FAAH2: variants seen among roughly 807,000 people sequenced by gnomAD.
FAAH2 encodes fatty-acid amide hydrolase 2.
Under a neutral mutation model 36.9 loss-of-function variants are expected in FAAH2, and 60 were observed. The observed-to-expected ratio is 1.63, with a 90% CI of 1.32 to 2.02. The LOEUF (loss-of-function observed/expected upper bound fraction) is 2.02. Ranked by LOEUF, FAAH2 falls within the 30% of genes most tolerant of loss-of-function variation. FAAH2 has a pLI of 0.00. For synonymous variants in FAAH2, 214 were observed against 143.8 expected, an observed-to-expected ratio of 1.49 and a Z score of -3.49; for missense variants, 689 against 397.5, an observed-to-expected ratio of 1.73 and a Z score of -6.23.
chrX:57,142,662 A>T, the FAAH2 span, among the ~76,000 whole-genome samples: 5 of 111,064 alleles, frequency 4.5e-5, no homozygotes, highest in South Asian at 1.5e-3. Flanking sequence ...TTCTTTGTTA[A>T]TTTTTTTGTC....
intron 4 of FAAH2, among the ~76,000 whole-genome samples, chrX:57,336,053 G>A (rs372339687): frequency 9.0e-6 from 1 of 111,339 alleles, no homozygotes; most frequent in Admixed American, 9.5e-5. Context: ...TCAGGCCTCC[G>A]AGCCCAAGCT....
chrX:57,301,227 G>A (rs1242386729), intron 2 of FAAH2, among the ~76,000 whole-genome samples: 1 of 110,049 alleles, frequency 9.1e-6, no homozygotes, highest in African/African-American at 3.3e-5. Context: ...GTCCAAAAAT[G>A]ATAGACTGGA....
At position 57,352,042 on chromosome X, in the gene FAAH2, ATATATGTG is replaced by A. The variant is rs1361616187; in HGVS notation, c.742+10658_742+10665del. ...TGTGTATATATATATATATACATAT[ATATATGTG>A]TATATATATATATATACACATATAT... On this transcript the variant is annotated intron_variant, in intron 5 of 10. Coordinates refer to ENST00000374900, the MANE Select transcript of FAAH2 (RefSeq NM_174912.4). Among the ~76,000 whole-genome samples the A allele has an allele frequency of 2.2e-3, 34 of 15,209 alleles. 5 individuals are homozygous for A. The highest frequency in any genetic ancestry group is 0.033 in the East Asian group (2 of 60). The allele number at this position is 15,209 out of a possible 115,157, so 13.2% of individuals were successfully genotyped here.
In FAAH2 at chrX:57,487,945, A is replaced by G. The variant is rs759642176; in HGVS notation, c.1424-812A>G. ...AAATTTGGTATATTTATTCAATGGAATAGTCTTTGTCCATAAAAGAACCAT... is the reference window on the plus strand; with the variant it reads ...AAATTTGGTATATTTATTCAATGGAGTAGTCTTTGTCCATAAAAGAACCAT... On this transcript the variant is annotated intron_variant, in intron 10 of 10. Coordinates refer to ENST00000374900, the MANE Select transcript of FAAH2 (RefSeq NM_174912.4). Among the ~76,000 whole-genome samples, 7 of 112,184 alleles carry G rather than the reference A, an allele frequency of 6.2e-5. No homozygotes were observed. The East Asian group carries it at 1.1e-3, about 18-fold the overall frequency.
intron 3 of FAAH2, among the ~76,000 whole-genome samples, chrX:57,324,776 T>C (rs1336604622): frequency 8.9e-6 from 1 of 112,333 alleles, no homozygotes; most frequent in Non-Finnish European, 1.9e-5. Context: ...TACAATCATG[T>C]GATCTGCAAA....
chrX:57,132,204 G>A, the FAAH2 span, among the ~76,000 whole-genome samples: 3 of 112,058 alleles, frequency 2.7e-5, no homozygotes, highest in Non-Finnish European at 3.8e-5. Context: ...TTTCACTAAC[G>A]GTTTTAAATC....
the FAAH2 span, among the ~76,000 whole-genome samples, chrX:57,263,716 T>A: frequency 8.9e-5 from 10 of 111,894 alleles, no homozygotes; most frequent in Non-Finnish European, 1.9e-4. Flanking sequence ...TATACAATTG[T>A]ATCTGTCTAT....
the FAAH2 span, among the ~76,000 whole-genome samples, chrX:57,240,650 G>A: frequency 8.9e-6 from 1 of 112,468 alleles, no homozygotes; most frequent in Non-Finnish European, 1.9e-5. Flanking sequence ...CAGCAGCATG[G>A]CAGTGTTCAC....
At chrX:57,134,083 T>C in the FAAH2 span, among the ~76,000 whole-genome samples, 1,154 of 110,944 alleles carry the variant, frequency 0.01, 15 homozygotes, top group African/African-American at 0.037. Flanking sequence ...AGATGGGCTA[T>C]AGGAGAAAGA....
chrX:57,463,200 GAAGA>G (rs777849744), intron 10 of FAAH2, among the ~76,000 whole-genome samples: 1 of 111,528 alleles, frequency 9.0e-6, no homozygotes, highest in South Asian at 3.7e-4. Context: ...TGATGGATAG[GAAGA>G]ATCAATATCA....
At chrX:57,463,863 G>A (rs1421554301) in intron 10 of FAAH2, among the ~76,000 whole-genome samples, 1 of 111,594 alleles carries the variant, frequency 9.0e-6, no homozygotes, top group Non-Finnish European at 1.9e-5. Flanking sequence ...CAAGGATCTA[G>A]AACAAGAAAT....
chrX:57,206,367 G>T, the FAAH2 span, among the ~76,000 whole-genome samples: 1 of 112,119 alleles, frequency 8.9e-6, no homozygotes, highest in African/African-American at 3.2e-5. Context: ...CCCTAAGTAG[G>T]AGTAAGGAGT....
chrX:57,480,014 G>T (rs1043696255), intron 10 of FAAH2, among the ~76,000 whole-genome samples: 29 of 111,896 alleles, frequency 2.6e-4, no homozygotes, highest in Non-Finnish European at 4.3e-4. Context: ...AAATCTAGAA[G>T]AAATGGATAA....
intron 4 of FAAH2, among the ~76,000 whole-genome samples, chrX:57,340,386 A>G (rs772110270): frequency 6.3e-5 from 7 of 111,906 alleles, no homozygotes; most frequent in Non-Finnish European, 1.1e-4. Context: ...CAGGAAGAAT[A>G]CTTTGCATTT....
At chrX:57,151,164 C>T in the FAAH2 span, among the ~76,000 whole-genome samples, 1 of 112,194 alleles carries the variant, frequency 8.9e-6, no homozygotes, top group Admixed American at 9.4e-5. Flanking sequence ...TTGTGGGTAA[C>T]CCGACTTTTC....
intron 10 of FAAH2, among the ~76,000 whole-genome samples, chrX:57,459,662 C>A (rs2056923297): frequency 8.9e-6 from 1 of 112,380 alleles, no homozygotes; most frequent in African/African-American, 3.2e-5. Context: ...AGGCAGCAAT[C>A]TTTGCTGTTC....
At chrX:57,428,389 A>C (rs1255653419) in intron 7 of FAAH2, among the ~76,000 whole-genome samples, 1 of 111,996 alleles carries the variant, frequency 8.9e-6, no homozygotes, top group Admixed American at 9.5e-5. Flanking sequence ...ATTAGAAAAA[A>C]ATCACCAAAT....
At chrX:57,222,074 T>G in the FAAH2 span, among the ~76,000 whole-genome samples, 1 of 111,454 alleles carries the variant, frequency 9.0e-6, no homozygotes, top group African/African-American at 3.3e-5. Context: ...CAGTCACCTA[T>G]CTATGCCTAA....
At chrX:57,251,073 C>A in the FAAH2 span, among the ~76,000 whole-genome samples, 1 of 111,529 alleles carries the variant, frequency 9.0e-6, no homozygotes, top group Admixed American at 9.6e-5. Context: ...GGTGAATATC[C>A]CTGATGAACA....
Sources: gnomAD v4.1 joint callset for allele counts (sites outside exome capture counted in the v4.1 genomes callset) on GRCh38, gnomAD v4.1.1 for gene constraint, MANE v1.5 for transcripts, NCBI Gene and HGNC (gene_info 2026-07-23, HGNC 2026-07-21) for gene names.